SEMA3D: variants seen among roughly 807,000 people sequenced by gnomAD.
The protein encoded by SEMA3D is semaphorin-3D.
In SEMA3D, 84 loss-of-function variants were observed where a neutral mutation model predicts 100.1. The ratio of observed to expected loss-of-function variants is 0.84; its 90% CI spans 0.70 to 1.01. The LOEUF is 1.01. SEMA3D is among the 50% of genes least tolerant of loss of function. The pLI is 0.00. For synonymous variants in SEMA3D, 312 were observed against 320.7 expected (o/e 0.97, Z 0.29); for missense variants, 875 against 934.1 (o/e 0.94, Z 0.82).
At chr7:85,102,836 T>C (rs955314172) in intron 3 of SEMA3D, among the ~76,000 whole-genome samples, 4 of 152,060 alleles carry the variant, frequency 2.6e-5, no homozygotes, top group Non-Finnish European at 4.4e-5. Flanking sequence ...ATATAGCCAC[T>C]TGCTTTATTT....
the SEMA3D span, among the ~76,000 whole-genome samples, chr7:85,202,876 A>G: frequency 2.0e-5 from 3 of 152,236 alleles, no homozygotes; most frequent in Non-Finnish European, 2.9e-5. Flanking sequence ...TGAAAACTAT[A>G]TAGTAGAACA....
chr7:85,189,944 A>G (rs1369491839), upstream of SEMA3D, among the ~76,000 whole-genome samples: 1 of 152,178 alleles, frequency 6.6e-6, no homozygotes, highest in East Asian at 1.9e-4. Flanking sequence ...GTAATCATCC[A>G]TCTATGTTGA....
intron 12 of SEMA3D, among the ~76,000 whole-genome samples, chr7:85,031,898 A>C (rs1299071264): frequency 6.6e-6 from 1 of 151,992 alleles, no homozygotes. Flanking sequence ...AAAACAAATA[A>C]GAAAGAATGC....
chr7:85,006,891 TA>T lies in SEMA3D; in HGVS notation c.1818del (p.Phe606LeufsTer32). The T allele has an allele frequency of 6.2e-7, 1 of 1,611,034 alleles. No individual in the cohort carries two copies. Among genetic ancestry groups the T allele is most frequent in the Non-Finnish European group, 8.5e-7 (1 of 1,178,054 alleles). On this transcript the variant is annotated frameshift_variant, in exon 18 of 19. Transcript: ENST00000284136. LOFTEE classifies it high-confidence loss of function. ...ADEKVIFGIE[F>X]NSTFLECIPK... ...GGTATACATTCCAGAAAGGTTGAGT[TA>T]AATTCAATGCCAAAAATCACCTTTT...
chr7:85,049,170 G>GAA (rs145301191), intron 9 of SEMA3D, among the ~76,000 whole-genome samples: 88 of 147,890 alleles, frequency 6.0e-4, no homozygotes, highest in African/African-American at 2.1e-3. Context: ...GGATAGAGGA[G>GAA]AAAAAAAAAG....
intron 4 of SEMA3D, among the ~76,000 whole-genome samples, chr7:85,088,925 G>A (rs1788300434): frequency 6.6e-6 from 1 of 152,086 alleles, no homozygotes; most frequent in African/African-American, 2.4e-5. Flanking sequence ...AGCCTCGCTT[G>A]CATTTTAGCT....
At position 85,103,848 on chromosome 7, in the gene SEMA3D, T is replaced by C. The variant is rs542980541; in HGVS notation, c.152-5883A>G. On this transcript the variant is annotated intron_variant, in intron 3 of 18. Coordinates refer to ENST00000284136, the MANE Select transcript of SEMA3D (RefSeq NM_001384900.1). ...AGAAATCATTGCATATTACAAATTT[T>C]GATGGATGGATGACACAGAGAAGAT... Among the ~76,000 whole-genome samples, 7 of 152,132 alleles carry C rather than the reference T, an allele frequency of 4.6e-5. No individual in the cohort carries two copies. The East Asian group carries it at 1.2e-3, about 25-fold the overall frequency.
intron 10 of SEMA3D, 26 bp from the exon 11 acceptor site, chr7:85,040,768 T>C: frequency 9.5e-7 from 1 of 1,047,612 alleles, no homozygotes; most frequent in Non-Finnish European, 1.5e-6. Context: ...AATAAATATT[T>C]ACTCTTATTT....
chr7:85,020,751 C>T (rs1435016911), intron 13 of SEMA3D, among the ~76,000 whole-genome samples: 3 of 151,340 alleles, frequency 2.0e-5, no homozygotes, highest in African/African-American at 4.8e-5. Flanking sequence ...CCATGAAAGA[C>T]AGATATATAT....
At position 85,065,132 on chromosome 7, in the gene SEMA3D, C is replaced by T. The variant is rs73703761; in HGVS notation, c.718+292G>A. Among the ~76,000 whole-genome samples the T allele has an allele frequency of 2.0e-3, 297 of 151,852 alleles. 1 individual carries two copies. The highest frequency in any genetic ancestry group is 6.7e-3 in the African/African-American group (279 of 41,372). On this transcript the variant is annotated intron_variant, in intron 8 of 18. Coordinates refer to ENST00000284136, the MANE Select transcript of SEMA3D (RefSeq NM_001384900.1). ...TATTTTTATAGCATAATAGTTTATG[C>T]GTATTAAAGAATAAAATAATGATAT...
the SEMA3D span, among the ~76,000 whole-genome samples, chr7:85,217,297 C>A: frequency 1.0e-2 from 1,518 of 152,110 alleles, 22 homozygotes; most frequent in Middle Eastern, 0.061. Context: ...CCAAGCCAGA[C>A]TAATATATTA....
At position 85,018,306 on chromosome 7, in the gene SEMA3D, G is replaced by C. The variant is rs1336714408; in HGVS notation, c.1504-13C>G. ...TGATTGATGAGTGCTGAAAATAGAAGTTAAATGTCAATAAAGATAATCATT... is the reference window on the plus strand; with the variant it reads ...TGATTGATGAGTGCTGAAAATAGAACTTAAATGTCAATAAAGATAATCATT... On this transcript the variant is annotated splice_polypyrimidine_tract_variant and intron_variant, in intron 14 of 18. Transcript: ENST00000284136. 1.3e-6 allele frequency: 2 copies of C among 1,546,704 alleles called. No individual in the cohort carries two copies. The highest frequency in any genetic ancestry group is 8.9e-7 in the Non-Finnish European group (1 of 1,121,042).
At chr7:85,162,092 T>TA (rs989375617) in intron 1 of SEMA3D, among the ~76,000 whole-genome samples, 26 of 151,704 alleles carry the variant, frequency 1.7e-4, no homozygotes, top group East Asian at 5.9e-4. Flanking sequence ...TTTTTTTTTT[T>TA]AATCTCATCT....
chr7:85,102,879 T>C (rs1309357379), intron 3 of SEMA3D, among the ~76,000 whole-genome samples: 2 of 152,020 alleles, frequency 1.3e-5, no homozygotes, highest in Admixed American at 1.3e-4. Flanking sequence ...TGGGGTTTAG[T>C]TTCAAACCAA....
Position 84,999,250 on chromosome 7 carries a change from C to T in SEMA3D, c.*190G>A, listed in dbSNP as rs544088516. 1.7e-4 allele frequency: 94 copies of T among 567,764 alleles called. No individual in the cohort carries two copies. Among genetic ancestry groups the T allele is most frequent in the Admixed American group, 1.3e-3 (43 of 32,010 alleles). The allele number at this position is 567,764 out of a possible 1,614,324, so 35.2% of individuals were successfully genotyped here. A position where few individuals can be genotyped will look rare whatever the true frequency, so the allele number is the denominator to read the frequency against. ...ATACTTTGCTTGTGCAAGATTTGTT[C>T]TTGGAAAACTGGTTCAAATGAATTT... On this transcript the variant is annotated 3_prime_UTR_variant, in exon 19 of 19. Transcript: ENST00000284136.
chr7:85,158,839 G>T (rs900404346), intron 1 of SEMA3D, among the ~76,000 whole-genome samples: 2 of 152,074 alleles, frequency 1.3e-5, no homozygotes, highest in Non-Finnish European at 1.5e-5. Flanking sequence ...AGGGAAAATA[G>T]AAAAGAACAT....
At chr7:85,038,123 A>C (rs1402897987) in intron 11 of SEMA3D, among the ~76,000 whole-genome samples, 1 of 152,120 alleles carries the variant, frequency 6.6e-6, no homozygotes, top group Non-Finnish European at 1.5e-5. Context: ...GGTGCAGCAC[A>C]CCAACATGGC....
chr7:85,002,551 C>A (rs1789682199), intron 18 of SEMA3D, among the ~76,000 whole-genome samples: 1 of 152,138 alleles, frequency 6.6e-6, no homozygotes, highest in African/African-American at 2.4e-5. Flanking sequence ...ATGCATTATG[C>A]AGACTGTATC....
At chr7:85,243,072 C>T in the SEMA3D span, among the ~76,000 whole-genome samples, 1 of 152,122 alleles carries the variant, frequency 6.6e-6, no homozygotes, top group African/African-American at 2.4e-5. Flanking sequence ...CTTCAGTCCC[C>T]CACACCACCA....
Sources: gnomAD v4.1 joint callset for allele counts (sites outside exome capture counted in the v4.1 genomes callset) on GRCh38, gnomAD v4.1.1 for gene constraint, MANE v1.5 for transcripts, NCBI Gene and HGNC (gene_info 2026-07-23, HGNC 2026-07-21) for gene names.